MCTP2: variants seen among roughly 807,000 people sequenced by gnomAD.
MCTP2 encodes the protein multiple C2 and transmembrane domain containing 2, also known as multiple C2 and transmembrane domain-containing protein 2.
A neutral mutation model predicts 111.6 loss-of-function variants in MCTP2; 132 were observed. The ratio of observed to expected loss-of-function variants is 1.18; its 90% CI spans 1.03 to 1.37. The LOEUF (loss-of-function observed/expected upper bound fraction) is 1.37. MCTP2 is among the 40% of genes most tolerant of loss of function. MCTP2 has a pLI of 0.00. For missense variants in MCTP2, 1,183 were observed against 1,067.9 expected, an observed-to-expected ratio of 1.11 and a Z score of -1.50; for synonymous variants, 395 against 387.7, an observed-to-expected ratio of 1.02 and a Z score of -0.22.
At chr15:94,339,459 C>T (rs770621356) in intron 5 of MCTP2, 27 bp downstream of exon 5, 5 of 1,544,350 alleles carry the variant, frequency 3.2e-6, no homozygotes, top group South Asian at 1.3e-5. Flanking sequence ...TTCAAATCTG[C>T]TCCTTTATTA....
chr15:94,437,909 G>GCTGTA (rs1188317751), intron 17 of MCTP2, among the ~76,000 whole-genome samples: 2 of 151,828 alleles, frequency 1.3e-5, no homozygotes, highest in African/African-American at 4.8e-5. Context: ...GTAAAAGATG[G>GCTGTA]CTGTAAGGAA....
intron 1 of MCTP2, among the ~76,000 whole-genome samples, chr15:94,243,344 TAC>T (rs1256303673): frequency 6.7e-6 from 1 of 148,310 alleles, no homozygotes; most frequent in East Asian, 2.0e-4. Context: ...TATGCGTATG[TAC>T]ATACATACGT....
chr15:94,315,721 G>T, intron 4 of MCTP2, 84 bp downstream of exon 4: 2 of 965,096 alleles, frequency 2.1e-6, no homozygotes, highest in South Asian at 2.8e-5. Flanking sequence ...GTCAGGCTTT[G>T]ACATCACAGC....
At chr15:94,337,682 T>C (rs71470083) in intron 4 of MCTP2, among the ~76,000 whole-genome samples, 4 of 145,288 alleles carry the variant, frequency 2.8e-5, no homozygotes, top group African/African-American at 4.9e-5. Context: ...TGTGTGTGTG[T>C]GTGCGCGCGC....
At chr15:94,338,649 G>A (rs1254847039) in intron 4 of MCTP2, among the ~76,000 whole-genome samples, 1 of 152,146 alleles carries the variant, frequency 6.6e-6, no homozygotes, top group Non-Finnish European at 1.5e-5. Flanking sequence ...GCGGGTCAGC[G>A]GTGTCAGCAC....
At chr15:94,310,391 A>G (rs2076070093) in intron 2 of MCTP2, among the ~76,000 whole-genome samples, 1 of 152,144 alleles carries the variant, frequency 6.6e-6, no homozygotes, top group Non-Finnish European at 1.5e-5. Flanking sequence ...TATTATTATG[A>G]TTGTGGTGGG....
intron 20 of MCTP2, among the ~76,000 whole-genome samples, chr15:94,462,110 T>C (rs1477416334): frequency 6.6e-6 from 1 of 152,134 alleles, no homozygotes; most frequent in East Asian, 1.9e-4. Flanking sequence ...TGTCCAAGCC[T>C]TGGAAACAAG....
chr15:94,362,797 AC>A (rs1279129766), intron 10 of MCTP2, among the ~76,000 whole-genome samples: 1 of 152,228 alleles, frequency 6.6e-6, no homozygotes, highest in African/African-American at 2.4e-5. Flanking sequence ...GGTTTGTCTG[AC>A]TGATATGGTA....
intron 1 of MCTP2, among the ~76,000 whole-genome samples, chr15:94,274,368 A>G (rs1004238268): frequency 1.3e-5 from 2 of 152,186 alleles, no homozygotes; most frequent in Admixed American, 1.3e-4. Flanking sequence ...TAGAAAAAGA[A>G]TAGTAAATGA....
intron 20 of MCTP2, among the ~76,000 whole-genome samples, chr15:94,467,160 C>CATCTACTTT (rs2073419390): frequency 2.0e-5 from 3 of 152,106 alleles, no homozygotes; most frequent in Non-Finnish European, 1.5e-5. Context: ...AAAATGAAAG[C>CATCTACTTT]ACAGAGTGGT....
chr15:94,290,220 C>T (rs1287851423), intron 1 of MCTP2, among the ~76,000 whole-genome samples: 1 of 151,698 alleles, frequency 6.6e-6, no homozygotes, highest in Non-Finnish European at 1.5e-5. Context: ...CAGACTTTCT[C>T]AGAACTGAAA....
At chr15:94,284,349 G>A (rs897619581) in intron 1 of MCTP2, among the ~76,000 whole-genome samples, 11 of 152,206 alleles carry the variant, frequency 7.2e-5, no homozygotes, top group African/African-American at 1.4e-4. Context: ...AGAAACTGAC[G>A]TGTACATCAG....
At chr15:94,392,099 C>G (rs925646505) in intron 14 of MCTP2, among the ~76,000 whole-genome samples, 2 of 151,992 alleles carry the variant, frequency 1.3e-5, no homozygotes, top group South Asian at 2.1e-4. Flanking sequence ...AGGCCAGGCG[C>G]GGTGGCTCAT....
chr15:94,469,017 A>G (rs528673138), intron 20 of MCTP2, among the ~76,000 whole-genome samples: 3 of 152,350 alleles, frequency 2.0e-5, no homozygotes, highest in South Asian at 4.1e-4. Flanking sequence ...AATCTCTGTC[A>G]GTCTTAATTT....
intron 1 of MCTP2, chr15:94,273,429 T>A (rs2074019272): frequency 6.6e-6 from 1 of 152,352 alleles, no homozygotes; most frequent in South Asian, 2.1e-4. Context: ...AGCACTATAT[T>A]TCTAAAATCC....
intron 1 of MCTP2, among the ~76,000 whole-genome samples, chr15:94,233,465 C>A (rs1340775148): frequency 6.6e-6 from 1 of 152,088 alleles, no homozygotes; most frequent in African/African-American, 2.4e-5. Context: ...CTATGGTCTC[C>A]TCCTGCAGAG....
chr15:94,329,862 C>T (rs568801571), intron 4 of MCTP2, among the ~76,000 whole-genome samples: 1 of 152,142 alleles, frequency 6.6e-6, no homozygotes, highest in South Asian at 2.1e-4. Context: ...ATATACAATA[C>T]CCTTCCATTA....
Position 94,440,251 on chromosome 15 carries a change from T to G in MCTP2, c.2161T>G (p.Phe721Val). Residue 721 changes from phenylalanine to valine, a missense_variant, in exon 18 of 23, where the codon TTC becomes GTC. Transcript: ENST00000357742. Reference protein sequence around the residue: ...LALLLIFVYNFIRPVKGKVSS... With the variant: ...LALLLIFVYNVIRPVKGKVSS... The stretch of plus-strand genomic sequence containing the variant: ...ATTGTTGCTGATCTTTGTCTACAAT[T>G]TCATCAGACCTGTGAAAGGCAAGGT... 1 of 1,614,126 alleles carries G rather than the reference T, an allele frequency of 6.2e-7. No individual in the cohort carries two copies. Among genetic ancestry groups the G allele is most frequent in the East Asian group, 2.2e-5 (1 of 44,882 alleles).
chr15:94,483,670 T>C lies in MCTP2; in HGVS notation c.*4636T>C, dbSNP rs776940383. 3 of 152,032 alleles carry C rather than the reference T, an allele frequency of 2.0e-5. No individual in the cohort carries two copies. Among genetic ancestry groups the C allele is most frequent in the Admixed American group, 6.6e-5 (1 of 15,266 alleles). The allele number at this position is 152,032 out of a possible 1,614,324, so 9.4% of individuals were successfully genotyped here. ...GTTAAATGATGAGAACACATGGACA[T>C]GTAGAAGGGAACAAAATACACTGGG... is the stretch of plus-strand genomic sequence containing the variant. On this transcript the variant is annotated 3_prime_UTR_variant, in exon 23 of 23. Transcript: ENST00000357742.
Sources: gnomAD v4.1 joint callset for allele counts (sites outside exome capture counted in the v4.1 genomes callset) on GRCh38, gnomAD v4.1.1 for gene constraint, MANE v1.5 for transcripts, NCBI Gene and HGNC (gene_info 2026-07-23, HGNC 2026-07-21) for gene names.